GALNT17: variants seen among roughly 807,000 people sequenced by gnomAD.
The protein encoded by GALNT17 is UDP-GalNAc:polypeptide N-acetylgalactosaminyltransferase-like 3.
Under a neutral mutation model 63.7 loss-of-function variants are expected in GALNT17, and 29 were observed. The observed-to-expected ratio is 0.46, with a 90% confidence interval of 0.34 to 0.62. The LOEUF (loss-of-function observed/expected upper bound fraction) is 0.62. Among genes scored for constraint, GALNT17 ranks in the 20% least tolerant of loss-of-function variants. The probability of loss-of-function intolerance (pLI) is 0.01; values close to 1 mark genes in which losing one functional copy is unlikely to be tolerated. For synonymous variants in GALNT17, 305 were observed against 318.3 expected (o/e 0.96, Z 0.45); for missense variants, 603 against 799.6 (o/e 0.75, Z 2.97).
At chr7:71,226,348 G>C (rs1200702121) in intron 1 of GALNT17, among the ~76,000 whole-genome samples, 1 of 152,162 alleles carries the variant, frequency 6.6e-6, no homozygotes, top group African/African-American at 2.4e-5. Flanking sequence ...GGTGGAGACA[G>C]GGCTTCTGTT....
At chr7:71,577,289 G>A (rs957680810) in intron 6 of GALNT17, among the ~76,000 whole-genome samples, 2 of 152,140 alleles carry the variant, frequency 1.3e-5, no homozygotes, top group East Asian at 1.9e-4. Context: ...TGATGGCATC[G>A]GTTGTTCCTC....
chr7:71,258,747 G>A (rs1273523775), intron 1 of GALNT17, among the ~76,000 whole-genome samples: 1 of 152,146 alleles, frequency 6.6e-6, no homozygotes, highest in Non-Finnish European at 1.5e-5. Context: ...AACACAGTAA[G>A]AGAGGTGTCA....
intron 1 of GALNT17, among the ~76,000 whole-genome samples, chr7:71,181,952 G>A (rs1362822273): frequency 6.6e-6 from 1 of 152,072 alleles, no homozygotes; most frequent in East Asian, 1.9e-4. Flanking sequence ...AAGGCGGGCG[G>A]ATCACCGGAG....
At chr7:71,511,908 C>G (rs1431681784) in intron 5 of GALNT17, among the ~76,000 whole-genome samples, 2 of 151,812 alleles carry the variant, frequency 1.3e-5, no homozygotes, top group Non-Finnish European at 2.9e-5. Flanking sequence ...CCACAGTACT[C>G]TTAGGACACA....
intron 6 of GALNT17, among the ~76,000 whole-genome samples, chr7:71,654,945 C>T (rs1328271981): frequency 8.5e-5 from 13 of 152,236 alleles, no homozygotes; most frequent in African/African-American, 2.4e-4. Flanking sequence ...CCTGCCGCCA[C>T]GCCCAGCTAG....
intron 6 of GALNT17, among the ~76,000 whole-genome samples, chr7:71,655,092 C>G (rs1417530635): frequency 6.6e-6 from 1 of 152,102 alleles, no homozygotes; most frequent in Admixed American, 6.5e-5. Flanking sequence ...CATGCTCAGC[C>G]TACAAAATAT....
chr7:71,512,133 GCAGGGACTA>G (rs1295478189), intron 5 of GALNT17, among the ~76,000 whole-genome samples: 3 of 150,462 alleles, frequency 2.0e-5, no homozygotes, highest in African/African-American at 7.4e-5. Context: ...CTCCCAAGTA[GCAGGGACTA>G]CAGGTGTGTG....
At chr7:71,572,672 G>A (rs10229270) in intron 6 of GALNT17, among the ~76,000 whole-genome samples, 1 of 152,058 alleles carries the variant, frequency 6.6e-6, no homozygotes, top group Non-Finnish European at 1.5e-5. Flanking sequence ...TTTAATTTAA[G>A]ATCTATCCTC....
At chr7:71,218,244 A>G (rs898583752) in intron 1 of GALNT17, among the ~76,000 whole-genome samples, 2 of 151,840 alleles carry the variant, frequency 1.3e-5, no homozygotes, top group Non-Finnish European at 2.9e-5. Context: ...AAATTACAAA[A>G]ATTATCCGGC....
chr7:71,323,437 G>C (rs148278526), intron 1 of GALNT17, among the ~76,000 whole-genome samples: 1 of 152,202 alleles, frequency 6.6e-6, no homozygotes, highest in Non-Finnish European at 1.5e-5. Context: ...CTAATACTTA[G>C]GGAACATTTT....
intron 6 of GALNT17, among the ~76,000 whole-genome samples, chr7:71,613,065 C>T (rs1444321490): frequency 6.6e-6 from 1 of 152,102 alleles, no homozygotes; most frequent in African/African-American, 2.4e-5. Context: ...GTTCTGAATC[C>T]AAGCCAACAC....
At chr7:71,365,960 CT>C in intron 2 of GALNT17, among the ~76,000 whole-genome samples, 1 of 152,272 alleles carries the variant, frequency 6.6e-6, no homozygotes, top group East Asian at 1.9e-4. Context: ...TTTCCTGCAA[CT>C]AGACGGTCCC....
At chr7:71,657,667 C>T (rs895087421) in intron 6 of GALNT17, among the ~76,000 whole-genome samples, 7 of 152,202 alleles carry the variant, frequency 4.6e-5, no homozygotes, top group African/African-American at 1.4e-4. Context: ...ATTGAGTCAT[C>T]AGATCACAAC....
chr7:71,509,410 C>A (rs1788318242), intron 5 of GALNT17, among the ~76,000 whole-genome samples: 1 of 152,202 alleles, frequency 6.6e-6, no homozygotes, highest in South Asian at 2.1e-4. Context: ...GGAGGAGTGT[C>A]TGTATACTCA....
chr7:71,388,580 G>A lies in GALNT17; in HGVS notation c.589+179G>A, dbSNP rs1488873834. Among the ~76,000 whole-genome samples the A allele has an allele frequency of 2.6e-5, 4 of 152,098 alleles. No individual in the cohort carries two copies. The South Asian group carries it at 8.4e-4, about 32-fold the overall frequency. Reference sequence around the variant, plus strand: ...CTTGCTGTGTCGCCCAGGCTGGAGTGCAGTGGCATGATCTCAGCTCACTGC... The same window carrying A: ...CTTGCTGTGTCGCCCAGGCTGGAGTACAGTGGCATGATCTCAGCTCACTGC... On this transcript the variant is annotated intron_variant, in intron 3 of 10. Coordinates refer to ENST00000333538, the MANE Select transcript of GALNT17 (RefSeq NM_022479.3).
chr7:71,284,200 TC>T (rs1790830233), intron 1 of GALNT17: 1 of 161,636 alleles, frequency 6.2e-6, no homozygotes, highest in Non-Finnish European at 1.3e-5. Context: ...GTGGCTTCAT[TC>T]TTGAAGTCAG....
chr7:71,495,425 G>A (rs1313581383), intron 5 of GALNT17, among the ~76,000 whole-genome samples: 1 of 152,156 alleles, frequency 6.6e-6, no homozygotes, highest in African/African-American at 2.4e-5. Context: ...TGTGTGCCAG[G>A]CATTGTGCTG....
intron 1 of GALNT17, among the ~76,000 whole-genome samples, chr7:71,243,852 C>T (rs1790047251): frequency 6.6e-6 from 1 of 152,110 alleles, no homozygotes. Context: ...AGGACTGAAA[C>T]AAGTCTATTG....
chr7:71,173,046 T>A (rs1308421649), intron 1 of GALNT17, among the ~76,000 whole-genome samples: 1 of 152,188 alleles, frequency 6.6e-6, no homozygotes, highest in African/African-American at 2.4e-5. Context: ...TTATGATTGC[T>A]CGGTTTTAAG....
Sources: allele counts gnomAD v4.1 joint callset (sites outside exome capture counted in the v4.1 genomes callset), GRCh38; gene constraint gnomAD v4.1.1; transcripts MANE v1.5; gene names NCBI Gene and HGNC (gene_info 2026-07-23, HGNC 2026-07-21).